ZNF251: variants seen among roughly 807,000 people sequenced by gnomAD.
The protein encoded by ZNF251 is zinc finger protein 251.
ZNF251 carries 14 observed loss-of-function variants against 13.5 expected under a neutral mutation model. The ratio of observed to expected loss-of-function variants is 1.04; its 90% CI spans 0.69 to 1.63. The LOEUF is 1.63. Ranked by LOEUF, ZNF251 falls within the 40% of genes most tolerant of loss-of-function variation. The probability of loss-of-function intolerance (pLI) is 0.00; values close to 1 mark genes in which losing one functional copy is unlikely to be tolerated. For synonymous variants in ZNF251, 287 were observed against 295.2 expected (o/e 0.97, Z 0.28); for missense variants, 764 against 834.9 (o/e 0.92, Z 1.05).
At chr8:144,726,676 C>T (rs1156520032) in intron 4 of ZNF251, among the ~76,000 whole-genome samples, 1 of 152,004 alleles carries the variant, frequency 6.6e-6, no homozygotes, top group Non-Finnish European at 1.5e-5. Context: ...CGAGACCATC[C>T]TGGCTAACAC....
In ZNF251 at chr8:144,734,255, C is replaced by A. The variant is rs913849009; in HGVS notation, c.278-10873G>T. ...CACAGGTATCCAGGTCTACTGCAGA[C>A]CCCAGACCATGGGCAATCCCTGCAG... On this transcript the variant is annotated intron_variant, in intron 4 of 4. Coordinates refer to ENST00000292562, the MANE Select transcript of ZNF251 (RefSeq NM_138367.2). This position sits in a 1 kb window ranked among gnomAD's most constrained non-coding sequence, Gnocchi z 4.4. Among the ~76,000 whole-genome samples, 2 of 152,234 alleles carry A rather than the reference C, an allele frequency of 1.3e-5. No homozygotes were observed. The highest frequency in any genetic ancestry group is 4.8e-5 in the African/African-American group (2 of 41,466).
Position 144,736,995 on chromosome 8 carries a change from G to A in ZNF251, c.278-13613C>T, listed in dbSNP as rs374984849. ...TTTTTTGTATTTTTAGTAGAGATGG[G>A]GTTTCACCATGTTGGCCAGGCTGGT... On this transcript the variant is annotated intron_variant, in intron 4 of 4. Transcript: ENST00000292562. Among the ~76,000 whole-genome samples, 157 of 151,640 alleles carry A rather than the reference G, an allele frequency of 1.0e-3. 1 individual carries two copies. The highest frequency in any genetic ancestry group is 2.9e-3 in the African/African-American group (118 of 41,318).
At chr8:144,747,886 A>G (rs1824502441) in intron 4 of ZNF251, among the ~76,000 whole-genome samples, 1 of 151,956 alleles carries the variant, frequency 6.6e-6, no homozygotes, top group Non-Finnish European at 1.5e-5. Flanking sequence ...TGCTGGGATT[A>G]CAGGCGTGAG....
intron 1 of ZNF251, chr8:144,755,093 T>G (rs1191653792): frequency 1.6e-6 from 2 of 1,258,110 alleles, no homozygotes; most frequent in Non-Finnish European, 2.0e-6. Context: ...TCTACCTGCC[T>G]GGCCAACCTG....
rs1465674928 is a variant in ZNF251, at chr8:144,753,875, GTGCACGTGTGTACGCC to G, written c.164-95_164-80del. 7 of 1,103,510 alleles carry G rather than the reference GTGCACGTGTGTACGCC, an allele frequency of 6.3e-6. No individual in the cohort carries two copies. The South Asian group carries it at 7.5e-5, about 12-fold the overall frequency. The allele number at this position is 1,103,510 out of a possible 1,614,324, so 68.4% of individuals were successfully genotyped here. A position where few individuals can be genotyped will look rare whatever the true frequency, so the allele number is the denominator to read the frequency against. On this transcript the variant is annotated intron_variant, in intron 3 of 4. Transcript: ENST00000292562. ...CCAGGTGTGGAGAGATGGGCCCTGT[GTGCACGTGTGTACGCC>G]TGCACGTGTGTTGGTCAGGGGGCCC...
chr8:144,726,405 C>T (rs1448127450), intron 4 of ZNF251, among the ~76,000 whole-genome samples: 3 of 151,224 alleles, frequency 2.0e-5, no homozygotes, highest in Admixed American at 6.6e-5. Flanking sequence ...GGTGTGGTGG[C>T]GCATACCTGT....
chr8:144,746,556 G>C (rs971087885), intron 4 of ZNF251, among the ~76,000 whole-genome samples: 1 of 152,160 alleles, frequency 6.6e-6, no homozygotes, highest in East Asian at 1.9e-4. Context: ...AGATTATAGA[G>C]AACTGGTATA....
At chr8:144,755,318 A>T in intron 1 of ZNF251, 87 bp downstream of exon 1, 1 of 1,276,438 alleles carries the variant, frequency 7.8e-7, no homozygotes, top group South Asian at 1.3e-5. Flanking sequence ...CTCCTCCTGG[A>T]CTGGCCGCCG....
Position 144,722,507 on chromosome 8 carries a change from C to A in ZNF251, c.1153G>T (p.Ala385Ser). 1.2e-6 allele frequency: 2 copies of A among 1,613,918 alleles called. No homozygotes were observed. The highest frequency in any genetic ancestry group is 1.7e-6 in the Non-Finnish European group (2 of 1,179,886). Residue 385 changes from alanine to serine, a missense_variant, in exon 5 of 5, where the codon GCC (alanine) becomes TCC (serine). Physicochemically the swap from Ala to Ser is moderately conservative, Grantham distance 99 (BLOSUM62 1). Coordinates refer to ENST00000292562, the MANE Select transcript of ZNF251 (RefSeq NM_138367.2). This position sits in a 1 kb window ranked among gnomAD's most constrained non-coding sequence, Gnocchi z 4.8. ...KPHKCNQCGK[A>S]FSQSSSLFLH... Reference sequence around the variant, plus strand: ...AAAAGGCTTGAGCTCTGACTGAAGGCCTTCCCACACTGATTGCATTTATGG... The same window carrying A: ...AAAAGGCTTGAGCTCTGACTGAAGGACTTCCCACACTGATTGCATTTATGG...
chr8:144,732,620 G>A (rs1202620782), intron 4 of ZNF251, among the ~76,000 whole-genome samples: 6 of 151,374 alleles, frequency 4.0e-5, no homozygotes, highest in South Asian at 2.1e-4. Flanking sequence ...AGACCATCCT[G>A]GCCAACACGG....
chr8:144,740,692 G>A (rs921192660), intron 4 of ZNF251, among the ~76,000 whole-genome samples: 4 of 152,042 alleles, frequency 2.6e-5, no homozygotes, highest in East Asian at 3.9e-4. Context: ...CCAGCACTTT[G>A]GGAGGCTGAG....
rs2129917442 is a variant in ZNF251, at chr8:144,722,191, T to C, written c.1469A>G (p.Asp490Gly). The stretch of plus-strand genomic sequence containing the variant: ...GAAGGCCTTCCCACAGTCACCACAG[T>C]CATAGGGCTTCTCTCCAGTGTGAAC... ...QRVHTGEKPY[D>G]CGDCGKAFSR... The change falls in exon 5 of 5, where the codon GAC (aspartate) becomes GGC (glycine). Residue 490 changes from aspartate to glycine, a missense_variant. Coordinates refer to ENST00000292562, the MANE Select transcript of ZNF251 (RefSeq NM_138367.2). The surrounding 1 kb of genome is among the most constrained non-coding windows in gnomAD (Gnocchi z 4.8). The C allele has an allele frequency of 6.2e-7, 1 of 1,613,800 alleles. No individual in the cohort carries two copies. The highest frequency in any genetic ancestry group is 1.3e-5 in the African/African-American group (1 of 74,936).
intron 4 of ZNF251, among the ~76,000 whole-genome samples, chr8:144,748,991 A>G (rs964424189): frequency 6.6e-6 from 1 of 152,066 alleles, no homozygotes; most frequent in East Asian, 1.9e-4. Flanking sequence ...AAATAGTGAG[A>G]CCTGATCTCT....
At chr8:144,743,030 CTA>C (rs1317510546) in intron 4 of ZNF251, among the ~76,000 whole-genome samples, 3 of 152,180 alleles carry the variant, frequency 2.0e-5, no homozygotes, top group Admixed American at 6.5e-5. Context: ...TAAGGTTCCT[CTA>C]TGTCTTTTCA....
intron 4 of ZNF251, chr8:144,730,152 G>C (rs1823651176): frequency 1.0e-6 from 1 of 978,176 alleles, no homozygotes; most frequent in Non-Finnish European, 1.2e-6. Context: ...AAACAGGGAA[G>C]TGGAGAGCCA....
chr8:144,754,589 C>G, intron 2 of ZNF251, 107 bp downstream of exon 2: 1 of 1,477,616 alleles, frequency 6.8e-7, no homozygotes, highest in Non-Finnish European at 9.0e-7. Flanking sequence ...GCTATGAGCC[C>G]CTGGCTGGCC....
chr8:144,735,785 T>C (rs1823868814), intron 4 of ZNF251, among the ~76,000 whole-genome samples: 2 of 152,122 alleles, frequency 1.3e-5, no homozygotes, highest in Admixed American at 1.3e-4. Context: ...GGGTCTGTTG[T>C]CTCTTTGAAT....
intron 4 of ZNF251, among the ~76,000 whole-genome samples, chr8:144,749,420 A>C (rs972262403): frequency 2.6e-5 from 4 of 152,224 alleles, no homozygotes; most frequent in Non-Finnish European, 5.9e-5. Context: ...GGGAGGTCAA[A>C]GCTTTCAATA....
chr8:144,731,960 T>A (rs1823709441), intron 4 of ZNF251, among the ~76,000 whole-genome samples: 1 of 151,592 alleles, frequency 6.6e-6, no homozygotes, highest in Non-Finnish European at 1.5e-5. Context: ...TTTTTTTTTT[T>A]AAGACAGAGT....
Sources: gnomAD v4.1 joint callset for allele counts (sites outside exome capture counted in the v4.1 genomes callset) on GRCh38, gnomAD v4.1.1 for gene constraint, Gnocchi (gnomAD v3.1) non-coding constraint, MANE v1.5 for transcripts, NCBI Gene and HGNC (gene_info 2026-07-23, HGNC 2026-07-21) for gene names.